Variants in CDH12 observed in about 807,000 individuals in gnomAD.
CDH12 encodes cadherin-12.
In CDH12, 41 loss-of-function variants were observed where a neutral mutation model predicts 74.1. The ratio of observed to expected loss-of-function variants is 0.55; its 90% CI spans 0.43 to 0.72. The LOEUF is 0.72. CDH12 is among the 30% of genes least tolerant of loss of function. CDH12 has a pLI of 0.00. For synonymous variants in CDH12, 399 were observed against 355.0 expected, an observed-to-expected ratio of 1.12 and a Z score of -1.39; for missense variants, 945 against 977.2, an observed-to-expected ratio of 0.97 and a Z score of 0.44.
At chr5:22,816,403 T>C (rs1749395895) in intron 1 of CDH12, among the ~76,000 whole-genome samples, 1 of 152,130 alleles carries the variant, frequency 6.6e-6, no homozygotes. Flanking sequence ...CTCTATAATA[T>C]ATCTAGCTAG....
chr5:22,508,347 C>T (rs1342645759), intron 1 of CDH12, among the ~76,000 whole-genome samples: 3 of 152,158 alleles, frequency 2.0e-5, no homozygotes, highest in African/African-American at 7.2e-5. Flanking sequence ...TGCAACCTGA[C>T]TCAGGCATCA....
intron 3 of CDH12, among the ~76,000 whole-genome samples, chr5:22,276,878 A>C (rs1337617130): frequency 6.6e-6 from 1 of 152,178 alleles, no homozygotes; most frequent in Non-Finnish European, 1.5e-5. Flanking sequence ...TCAATAATGT[A>C]TTTAAATCTC....
intron 4 of CDH12, among the ~76,000 whole-genome samples, chr5:22,198,037 C>A (rs1298323075): frequency 6.6e-6 from 1 of 151,366 alleles, no homozygotes; most frequent in African/African-American, 2.4e-5. Context: ...CAATATTATT[C>A]TTAATCATAT....
intron 1 of CDH12, among the ~76,000 whole-genome samples, chr5:22,785,560 T>C (rs181042332): frequency 3.3e-4 from 50 of 152,256 alleles, no homozygotes; most frequent in African/African-American, 1.2e-3. Flanking sequence ...CACTCTGTCA[T>C]CCATTCTTGA....
intron 2 of CDH12, among the ~76,000 whole-genome samples, chr5:22,441,416 A>C (rs1744617174): frequency 6.6e-6 from 1 of 152,114 alleles, no homozygotes; most frequent in Non-Finnish European, 1.5e-5. Flanking sequence ...GAAATTGCTA[A>C]AGAAGAATGT....
At chr5:22,787,737 T>C (rs1180308939) in intron 1 of CDH12, among the ~76,000 whole-genome samples, 1 of 152,078 alleles carries the variant, frequency 6.6e-6, no homozygotes, top group Non-Finnish European at 1.5e-5. Flanking sequence ...CATTTTAAGG[T>C]TCAACTGGGA....
chr5:22,528,879 C>T (rs1395308327), intron 1 of CDH12, among the ~76,000 whole-genome samples: 1 of 151,830 alleles, frequency 6.6e-6, no homozygotes, highest in Non-Finnish European at 1.5e-5. Context: ...TTAAATCTAA[C>T]TAGATCAAAG....
chr5:21,938,886 A>G (rs547660097), intron 6 of CDH12, among the ~76,000 whole-genome samples: 23 of 151,024 alleles, frequency 1.5e-4, no homozygotes, highest in African/African-American at 5.3e-4. Flanking sequence ...TTCTGAAACA[A>G]CAACCCAATT....
intron 6 of CDH12, among the ~76,000 whole-genome samples, chr5:21,943,941 T>C (rs1217670868): frequency 6.6e-6 from 1 of 152,104 alleles, no homozygotes; most frequent in Non-Finnish European, 1.5e-5. Context: ...GAACATCAGT[T>C]AGTTATAAAA....
chr5:21,913,088 CGGCCTT>C (rs1753934485), intron 6 of CDH12, among the ~76,000 whole-genome samples: 1 of 152,130 alleles, frequency 6.6e-6, no homozygotes, highest in African/African-American at 2.4e-5. Context: ...TGTGATCTGC[CGGCCTT>C]GGCCTCCCAA....
chr5:22,126,450 T>C (rs567586276), intron 4 of CDH12, among the ~76,000 whole-genome samples: 1 of 152,322 alleles, frequency 6.6e-6, no homozygotes, highest in South Asian at 2.1e-4. Context: ...GCCAGAACTG[T>C]ATACAAGTCA....
chr5:22,395,393 C>T (rs1196915559), intron 3 of CDH12, among the ~76,000 whole-genome samples: 2 of 152,112 alleles, frequency 1.3e-5, no homozygotes, highest in African/African-American at 4.8e-5. Flanking sequence ...TGATTTTGGA[C>T]TTCTGCCTTT....
chr5:21,764,959 A>G lies in CDH12; in HGVS notation c.1515+19T>C. 1 of 1,613,284 alleles carries G rather than the reference A, an allele frequency of 6.2e-7. No individual in the cohort carries two copies. The highest frequency in any genetic ancestry group is 1.1e-5 in the South Asian group (1 of 91,036). ...ATGGTGGGTCTTTATACACTCAAGG[A>G]ACAATATTTATAAGATACCTGTCCT... On this transcript the variant is annotated intron_variant, in intron 12 of 14. Coordinates refer to ENST00000382254, the MANE Select transcript of CDH12 (RefSeq NM_004061.5).
intron 1 of CDH12, among the ~76,000 whole-genome samples, chr5:22,532,519 C>A (rs1263755499): frequency 1.3e-5 from 2 of 150,508 alleles, no homozygotes; most frequent in East Asian, 3.9e-4. Flanking sequence ...ACAGGATTTC[C>A]AGAGCTCAAA....
intron 6 of CDH12, among the ~76,000 whole-genome samples, chr5:21,953,159 A>G (rs2150102850): frequency 6.6e-6 from 1 of 151,958 alleles, no homozygotes; most frequent in South Asian, 2.1e-4. Context: ...GGCTTCATCT[A>G]CTTAATAAGA....
intron 1 of CDH12, among the ~76,000 whole-genome samples, chr5:22,734,787 C>T (rs752682867): frequency 2.6e-5 from 4 of 151,794 alleles, no homozygotes; most frequent in Non-Finnish European, 4.4e-5. Context: ...TCACAAGAAC[C>T]GTTGTAAACC....
At chr5:22,269,937 T>C (rs1736309112) in intron 3 of CDH12, among the ~76,000 whole-genome samples, 1 of 152,210 alleles carries the variant, frequency 6.6e-6, no homozygotes. Flanking sequence ...CCTGGAGGGA[T>C]ACTTCAAATT....
At position 21,850,393 on chromosome 5, in the gene CDH12, A is replaced by G. The variant is rs935900670; in HGVS notation, c.646+4278T>C. On this transcript the variant is annotated intron_variant, in intron 7 of 14. Coordinates refer to ENST00000382254, the MANE Select transcript of CDH12 (RefSeq NM_004061.5). ...ATTTGTTCTACTATAGAAACCATTT[A>G]TATGTGTGTGTGTATCTCTTATGAC... Among the ~76,000 whole-genome samples the G allele has an allele frequency of 2.0e-5, 3 of 151,434 alleles. No individual in the cohort carries two copies. In the East Asian group the frequency reaches 5.8e-4, roughly 29 times the overall value.
intron 3 of CDH12, among the ~76,000 whole-genome samples, chr5:22,302,592 T>C (rs1479596876): frequency 6.6e-6 from 1 of 152,122 alleles, no homozygotes; most frequent in South Asian, 2.1e-4. Flanking sequence ...CTAAAAAGAT[T>C]TGAATGATCT....
Sources: gnomAD v4.1 joint callset for allele counts (sites outside exome capture counted in the v4.1 genomes callset) on GRCh38, gnomAD v4.1.1 for gene constraint, MANE v1.5 for transcripts, NCBI Gene and HGNC (gene_info 2026-07-23, HGNC 2026-07-21) for gene names.